Variants in LAMA5 observed in about 807,000 individuals in gnomAD.
The protein encoded by LAMA5 is laminin subunit alpha-5.
A neutral mutation model predicts 433.4 loss-of-function variants in LAMA5; 260 were observed. The ratio of observed to expected loss-of-function variants is 0.60; its 90% CI spans 0.54 to 0.66. The LOEUF (loss-of-function observed/expected upper bound fraction) is 0.66, where lower values mean the gene tolerates loss of function less well. Among genes scored for constraint, LAMA5 ranks in the 30% least tolerant of loss-of-function variants. The probability of loss-of-function intolerance (pLI) is 0.00; values close to 1 mark genes in which losing one functional copy is unlikely to be tolerated. For missense variants in LAMA5, 5,378 were observed against 5,258.5 expected, an observed-to-expected ratio of 1.02 and a Z score of -0.70; for synonymous variants, 2,620 against 2,226.6, an observed-to-expected ratio of 1.18 and a Z score of -4.97.
At chr20:62,332,800 AC>A in intron 26 of LAMA5, 83 bp from the exon 27 acceptor site, 1 of 1,501,506 alleles carries the variant, frequency 6.7e-7, no homozygotes, top group Non-Finnish European at 9.0e-7. Flanking sequence ...CGCCTCCCTG[AC>A]CCCAGGGCCT....
In LAMA5 at chr20:62,313,186, G is replaced by C; in HGVS notation, c.8857C>G (p.Arg2953Gly). Reference sequence around the variant, plus strand: ...CTGATCTGACTGTCGAAGCTGATGCGGGCGAAGCCGGTGCCGTCCAGGTAG... The same window carrying C: ...CTGATCTGACTGTCGAAGCTGATGCCGGCGAAGCCGGTGCCGTCCAGGTAG... ...GSYLDGTGFA[R>G]ISFDSQISTT... The change falls in exon 65 of 80, where the codon CGC becomes GGC. Residue 2953 changes from arginine (R) to glycine (G), a missense_variant. Physicochemically the swap from Arg to Gly is moderately radical, Grantham distance 125 (BLOSUM62 -2). Coordinates refer to ENST00000252999, the MANE Select transcript of LAMA5 (RefSeq NM_005560.6). 6.4e-7 allele frequency: 1 copy of C among 1,574,114 alleles called. No homozygotes were observed. The highest frequency in any genetic ancestry group is 1.1e-5 in the South Asian group (1 of 87,826).
Position 62,309,327 on chromosome 20 carries a change from G to T in LAMA5, c.*9C>A. ...AGGGGCCTGACCAGGGGCCGGGGTT[G>T]GCTGTGTCCTAGGCGGCTGGGCAGC... is the stretch of plus-strand genomic sequence containing the variant. On this transcript the variant is annotated 3_prime_UTR_variant, in exon 80 of 80. Coordinates refer to ENST00000252999, the MANE Select transcript of LAMA5 (RefSeq NM_005560.6). 6.3e-7 allele frequency: 1 copy of T among 1,591,480 alleles called. No homozygotes were observed. Among genetic ancestry groups the T allele is most frequent in the Admixed American group, 1.7e-5 (1 of 59,370 alleles).
rs761325737 is a variant in LAMA5 at position 62,336,451 on chromosome 20, A to G, written c.2218-6T>C. 3.7e-6 allele frequency: 6 copies of G among 1,609,938 alleles called. No homozygotes were observed. The Admixed American group carries it at 1.0e-4, about 27-fold the overall frequency. On this transcript the variant is annotated splice_polypyrimidine_tract_variant and splice_region_variant and intron_variant, in intron 17 of 79. Transcript: ENST00000252999. ...CACATACAGGGAACCTGTGCCTGGG[A>G]GAGGACAAGACTGCAGGTCAGAGCG...
Position 62,320,484 on chromosome 20 carries a change from T to C in LAMA5, c.6759+75A>G, listed in dbSNP as rs1020784395. On this transcript the variant is annotated intron_variant, in intron 50 of 79. Coordinates refer to ENST00000252999, the MANE Select transcript of LAMA5 (RefSeq NM_005560.6). ...GTACGAGGCATGAAGTAACATCTGC[T>C]GAATGAGGACAAGCGAACCGCGGGG... 3 of 1,136,508 alleles carry C rather than the reference T, an allele frequency of 2.6e-6. No individual in the cohort carries two copies. In the African/African-American group the frequency reaches 4.6e-5, roughly 17 times the overall value. 70.4% of individuals were successfully genotyped at this position (1,136,508 alleles called of 1,614,324 possible). A position where few individuals can be genotyped will look rare whatever the true frequency, so the allele number is the denominator to read the frequency against.
chr20:62,313,685 G>C lies in LAMA5; in HGVS notation c.8622C>G (p.Phe2874Leu). The C allele has an allele frequency of 6.2e-7, 1 of 1,612,822 alleles. No individual in the cohort carries two copies. Among genetic ancestry groups the C allele is most frequent in the Non-Finnish European group, 8.5e-7 (1 of 1,179,958 alleles). ...TGGGGTACCCCCCGACGTAGAAGAC[G>C]AAGTCGTCTGGCCGCAGGTTGAGCA... is the stretch of plus-strand genomic sequence containing the variant. ...EGLLNLRPDD[F>L]VFYVGGYPST... Residue 2874 changes from phenylalanine to leucine, a missense_variant, in exon 63 of 80, where the codon TTC becomes TTG. Transcript: ENST00000252999.
At chr20:62,354,095 CGT>C (rs1309582638) in intron 2 of LAMA5, among the ~76,000 whole-genome samples, 2 of 152,120 alleles carry the variant, frequency 1.3e-5, no homozygotes, top group Admixed American at 6.5e-5. Flanking sequence ...ACTTTCTCCC[CGT>C]GTGTCAGCCT....
intron 46 of LAMA5, 38 bp downstream of exon 46, chr20:62,322,620 G>GGGGCCC: frequency 1.2e-5 from 17 of 1,398,950 alleles, no homozygotes; most frequent in Non-Finnish European, 1.5e-5. Flanking sequence ...TAGTCCCTAG[G>GGGGCCC]CCCCACCCAC....
chr20:62,323,211 TC>T (rs141937382), intron 45 of LAMA5, among the ~76,000 whole-genome samples: 33,530 of 149,106 alleles, frequency 0.22, 3,881 homozygotes, highest in African/African-American at 0.27. Context: ...GGTGTGATGG[TC>T]CGGGGGAGGC....
chr20:62,331,243 TGGGGAGTGCAGGCGGTACGATGG>T (rs1980377775), intron 28 of LAMA5, 114 bp from the exon 29 acceptor site: 7 of 11,600 alleles, frequency 6.0e-4, no homozygotes, highest in African/African-American at 1.8e-3. Flanking sequence ...GGCGGTACGA[TGGGGAGTGCAGGCGGTACGATGG>T]GGGGGGTGCA....
At chr20:62,332,188 A>G (rs553820173) in intron 28 of LAMA5, among the ~76,000 whole-genome samples, 184 bp downstream of exon 28, 1 of 152,340 alleles carries the variant, frequency 6.6e-6, no homozygotes, top group East Asian at 1.9e-4. Context: ...GGGGTACGTC[A>G]AAAGGGACTG....
intron 16 of LAMA5, 52 bp from the exon 17 acceptor site, chr20:62,336,838 G>T: frequency 6.3e-7 from 1 of 1,584,566 alleles, no homozygotes; most frequent in Non-Finnish European, 8.6e-7. Flanking sequence ...AACCCGGAAG[G>T]CCAAGGGTGT....
Position 62,338,472 on chromosome 20 carries a change from G to A in LAMA5, c.1614C>T (p.Cys538=). The A allele has an allele frequency of 6.2e-7, 1 of 1,608,362 alleles. No individual in the cohort carries two copies. The highest frequency in any genetic ancestry group is 1.1e-5 in the South Asian group (1 of 90,100). ...LCAPGFYGPG[C]QPCQCSSPGV... Reference sequence around the variant, plus strand: ...GAGCGGGGAGAGGGGACTCACGCTGGCAGCCGGGGCCGTAGAACCCTGGCG... The same window carrying A: ...GAGCGGGGAGAGGGGACTCACGCTGACAGCCGGGGCCGTAGAACCCTGGCG... Residue 538 remains cysteine, a synonymous_variant, in exon 12 of 80, where the codon TGC becomes TGT. Transcript: ENST00000252999.
chr20:62,362,354 A>ACCCCCAGGCC, intron 2 of LAMA5, 46 bp downstream of exon 2: 1 of 1,418,670 alleles, frequency 7.0e-7, no homozygotes, highest in South Asian at 1.6e-5. Flanking sequence ...CCCGACGGGC[A>ACCCCCAGGCC]CAGACACAGA....
At chr20:62,315,667 G>T (rs1429657140) in intron 58 of LAMA5, among the ~76,000 whole-genome samples, 1 of 152,136 alleles carries the variant, frequency 6.6e-6, no homozygotes, top group Non-Finnish European at 1.5e-5. Flanking sequence ...TTCCTGCAGG[G>T]TGTGCCCCAA....
In LAMA5 at chr20:62,312,159, G is replaced by A. The variant is rs774019750; in HGVS notation, c.9504+14C>T. 3 of 1,610,880 alleles carry A rather than the reference G, an allele frequency of 1.9e-6. No individual in the cohort carries two copies. The highest frequency in any genetic ancestry group is 4.5e-5 in the East Asian group (2 of 44,820). ...ACCGCGGGGTGGGGAATGGGCACGG[G>A]TGTGAGGTCTCACCGGGGACGCCCG... On this transcript the variant is annotated intron_variant, in intron 69 of 79. Coordinates refer to ENST00000252999, the MANE Select transcript of LAMA5 (RefSeq NM_005560.6).
chr20:62,365,896 G>C (rs931899332), intron 1 of LAMA5, among the ~76,000 whole-genome samples: 3 of 152,084 alleles, frequency 2.0e-5, no homozygotes, highest in Non-Finnish European at 4.4e-5. Context: ...CAGGGCCAAG[G>C]GGGTGGGGCA....
chr20:62,351,880 C>G lies in LAMA5; in HGVS notation c.858+29G>C, dbSNP rs966723490. 1.8e-5 allele frequency: 29 copies of G among 1,576,358 alleles called. No homozygotes were observed. The Middle Eastern group carries it at 5.0e-4, about 27-fold the overall frequency. On this transcript the variant is annotated intron_variant, in intron 5 of 79. Transcript: ENST00000252999. ...TCCCGGGTCCACCCGGCCAGTCCCC[C>G]TCCCCCGCCTGCGCCATGGGCAGCT...
chr20:62,367,217 G>A lies in LAMA5; in HGVS notation c.29C>T (p.Ala10Val), dbSNP rs1360651196. The change falls in exon 1 of 80, where the codon GCA becomes GTA. Residue 10 changes from alanine to valine, a missense_variant. Physicochemically the swap from Ala to Val is moderately conservative, Grantham distance 64. Coordinates refer to ENST00000252999, the MANE Select transcript of LAMA5 (RefSeq NM_005560.6). ...GCCCCGGGGGCCGCGAACACACAGT[G>A]CGCTCCCCGCGCAGAGCCGCTTCGC... MAKRLCAGS[A>V]LCVRGPRGPA... 1.7e-6 allele frequency: 2 copies of A among 1,206,428 alleles called. No homozygotes were observed. Among genetic ancestry groups the A allele is most frequent in the East Asian group, 7.6e-5 (2 of 26,410 alleles). The allele number at this position is 1,206,428 out of a possible 1,614,324, so 74.7% of individuals were successfully genotyped here. A position where few individuals can be genotyped will look rare whatever the true frequency, so the allele number is the denominator to read the frequency against.
rs1660383031 is a variant in LAMA5 at position 62,314,234 on chromosome 20, A to C, written c.8504+70T>G. On this transcript the variant is annotated intron_variant, in intron 62 of 79. Transcript: ENST00000252999. ...TGAAGGGTGGTGGGTGCACACGGAG[A>C]GGGGAGAGATGGCGAACGGGCAAGG... The C allele has an allele frequency of 3.2e-6, 5 of 1,544,344 alleles. No homozygotes were observed. The South Asian group carries it at 6.0e-5, about 19-fold the overall frequency.
Sources: allele counts gnomAD v4.1 joint callset (sites outside exome capture counted in the v4.1 genomes callset), GRCh38; gene constraint gnomAD v4.1.1; transcripts MANE v1.5; gene names NCBI Gene and HGNC (gene_info 2026-07-23, HGNC 2026-07-21).